ZDHHC24: variants seen among roughly 807,000 people sequenced by gnomAD.
ZDHHC24 encodes the protein zDHHC palmitoyltransferase 24.
A neutral mutation model predicts 23.2 loss-of-function variants in ZDHHC24; 17 were observed. The observed-to-expected ratio is 0.73, with a 90% CI of 0.50 to 1.10. The LOEUF (loss-of-function observed/expected upper bound fraction) is 1.10, where lower values mean the gene tolerates loss of function less well. Among genes scored for constraint, ZDHHC24 ranks in the 50% least tolerant of loss-of-function variants. The pLI is 0.00. For synonymous variants in ZDHHC24, 186 were observed against 194.5 expected (o/e 0.96, Z 0.36); for missense variants, 366 against 393.0 (o/e 0.93, Z 0.58).
intron 4 of ZDHHC24, chr11:66,523,867 T>A: frequency 6.2e-7 from 1 of 1,613,378 alleles, no homozygotes; most frequent in Non-Finnish European, 8.5e-7. Flanking sequence ...CCCTGCTCAA[T>A]GTCATCCACA....
At chr11:66,529,038 G>A in intron 3 of ZDHHC24, 1 of 965,116 alleles carries the variant, frequency 1.0e-6, no homozygotes. Flanking sequence ...AATTAATTCT[G>A]GATAGATTAA....
chr11:66,531,543 C>A, downstream of ZDHHC24: 1 of 1,392,326 alleles, frequency 7.2e-7, no homozygotes, highest in Non-Finnish European at 1.0e-6. Flanking sequence ...AGTTGTCCTG[C>A]CCACCCTGCA....
chr11:66,530,871 T>C, downstream of ZDHHC24: 1 of 1,614,028 alleles, frequency 6.2e-7, no homozygotes, highest in African/African-American at 1.3e-5. Context: ...CCTAAGGGCT[T>C]TCTCCACCCA....
chr11:66,543,031 A>G (rs1857196603), intron 2 of ZDHHC24, among the ~76,000 whole-genome samples: 1 of 152,164 alleles, frequency 6.6e-6, no homozygotes, highest in Non-Finnish European at 1.5e-5. Flanking sequence ...AAAGTGACAG[A>G]GGGAACCATG....
intron 2 of ZDHHC24, 58 bp from the exon 3 acceptor site, chr11:66,539,882 A>G: frequency 1.4e-6 from 2 of 1,447,358 alleles, no homozygotes; most frequent in Non-Finnish European, 9.2e-7. Flanking sequence ...CTTTCCTGCC[A>G]CCTGCTCCCC....
At chr11:66,532,877 A>G (rs3741360), downstream of ZDHHC24, 35,379 of 152,352 alleles carry the variant, frequency 0.23, 4,376 homozygotes, top group East Asian at 0.27. Context: ...GGGGCTCCAG[A>G]GAAGTGCCAC....
downstream of ZDHHC24, among the ~76,000 whole-genome samples, chr11:66,534,234 G>T (rs1301719235): frequency 6.6e-6 from 1 of 151,146 alleles, no homozygotes; most frequent in Non-Finnish European, 1.5e-5. Context: ...CACAAGGCCA[G>T]GAGTTCGAGA....
chr11:66,537,184 G>A lies in ZDHHC24; in HGVS notation c.*2345C>T, dbSNP rs1185341489. 1 of 151,710 alleles carries A rather than the reference G, an allele frequency of 6.6e-6. No individual in the cohort carries two copies. Among genetic ancestry groups the A allele is most frequent in the Non-Finnish European group, 1.5e-5 (1 of 67,862 alleles). The allele number at this position is 151,710 out of a possible 1,614,324, so 9.4% of individuals were successfully genotyped here. ...GGACTTTCACTTAACCCCATTTTTT[G>A]GTCTAGCCTCTCACCCACCCCTCCC... On this transcript the variant is annotated 3_prime_UTR_variant, in exon 3 of 3. Transcript: ENST00000310442.
intron 2 of ZDHHC24, among the ~76,000 whole-genome samples, chr11:66,530,414 C>T (rs1477125794): frequency 3.3e-5 from 5 of 152,056 alleles, no homozygotes; most frequent in African/African-American, 1.2e-4. Flanking sequence ...AAGGCTCAGA[C>T]GCAAATGAGC....
intron 4 of ZDHHC24, chr11:66,523,669 GT>G: frequency 6.2e-7 from 1 of 1,610,116 alleles, no homozygotes; most frequent in South Asian, 1.1e-5. Context: ...CCCAGAAACC[GT>G]TCTTTCCACT....
At chr11:66,526,264 G>A (rs1856486139) in intron 4 of ZDHHC24, 2 of 1,461,136 alleles carry the variant, frequency 1.4e-6, no homozygotes. Context: ...TGGGGAAAGA[G>A]GAGGAGGTGG....
chr11:66,539,522 C>G lies in ZDHHC24; in HGVS notation c.*7G>C, dbSNP rs760190794. 3 of 1,544,136 alleles carry G rather than the reference C, an allele frequency of 1.9e-6. No individual in the cohort carries two copies. In the African/African-American group the frequency reaches 4.1e-5, roughly 21 times the overall value. On this transcript the variant is annotated 3_prime_UTR_variant, in exon 3 of 3. Coordinates refer to ENST00000310442, the MANE Select transcript of ZDHHC24 (RefSeq NM_207340.3). Reference sequence around the variant, plus strand: ...TCCTCCCTGCACAGCTCTGGCTCTTCCTGGAGTCAGGAGGCTGTGTGTCCC... The same window carrying G: ...TCCTCCCTGCACAGCTCTGGCTCTTGCTGGAGTCAGGAGGCTGTGTGTCCC...
chr11:66,531,514 G>A, downstream of ZDHHC24: 1 of 1,088,432 alleles, frequency 9.2e-7, no homozygotes, highest in Non-Finnish European at 1.4e-6. Flanking sequence ...CACCACACCT[G>A]CATCCTCCTC....
chr11:66,523,649 G>C, intron 4 of ZDHHC24: 1 of 1,611,410 alleles, frequency 6.2e-7, no homozygotes, highest in Non-Finnish European at 8.5e-7. Context: ...GAGTCCTCTG[G>C]CTTCCCCACC....
intron 4 of ZDHHC24, among the ~76,000 whole-genome samples, chr11:66,525,815 G>C (rs1176235476): frequency 2.0e-5 from 3 of 152,158 alleles, no homozygotes; most frequent in African/African-American, 4.8e-5. Flanking sequence ...AGACATATTT[G>C]TGTTTTTGAA....
At chr11:66,543,294 CA>C (rs1857204885) in intron 2 of ZDHHC24, among the ~76,000 whole-genome samples, 1 of 152,060 alleles carries the variant, frequency 6.6e-6, no homozygotes, top group Non-Finnish European at 1.5e-5. Flanking sequence ...GCCATCTCCT[CA>C]CACCAGTTCT....
chr11:66,527,014 T>G, intron 3 of ZDHHC24: 1 of 1,536,696 alleles, frequency 6.5e-7, no homozygotes, highest in Non-Finnish European at 8.7e-7. Context: ...GTGCTGTGGG[T>G]GACAGCAAGA....
downstream of ZDHHC24, among the ~76,000 whole-genome samples, chr11:66,534,709 T>C (rs1387778149): frequency 6.6e-6 from 1 of 152,124 alleles, no homozygotes. Flanking sequence ...TATTATTTGT[T>C]TTTTGAGACG....
At chr11:66,525,978 A>G (rs1040106432) in intron 4 of ZDHHC24, 1 of 718,974 alleles carries the variant, frequency 1.4e-6, no homozygotes, top group African/African-American at 1.8e-5. Context: ...GATGAGAAAT[A>G]TAGGAAATAT....
Sources: gnomAD v4.1 joint callset for allele counts (sites outside exome capture counted in the v4.1 genomes callset) on GRCh38, gnomAD v4.1.1 for gene constraint, MANE v1.5 for transcripts, NCBI Gene and HGNC (gene_info 2026-07-23, HGNC 2026-07-21) for gene names.